DIAPH3: variants seen among roughly 807,000 people sequenced by gnomAD.
The protein encoded by DIAPH3 is diaphanous related formin 3.
DIAPH3 carries 117 observed loss-of-function variants against 144.3 expected under a neutral mutation model. The ratio of observed to expected loss-of-function variants is 0.81; its 90% CI spans 0.70 to 0.95. The LOEUF (loss-of-function observed/expected upper bound fraction) is 0.95, where lower values mean the gene tolerates loss of function less well. Ranked by LOEUF, DIAPH3 falls within the 40% of genes least tolerant of loss-of-function variation. The pLI, the probability that DIAPH3 is intolerant of heterozygous loss-of-function variation, is 0.00. For synonymous variants in DIAPH3, 519 were observed against 488.9 expected (o/e 1.06, Z -0.81); for missense variants, 1,421 against 1,412.7 (o/e 1.01, Z -0.09).
At chr13:59,977,486 A>C (rs1386570331) in intron 14 of DIAPH3, among the ~76,000 whole-genome samples, 8 of 151,884 alleles carry the variant, frequency 5.3e-5, no homozygotes, top group African/African-American at 1.7e-4. Flanking sequence ...GAGCATTATT[A>C]GGTATGTATA....
At chr13:60,083,333 T>C (rs569232871) in intron 4 of DIAPH3, among the ~76,000 whole-genome samples, 1 of 152,108 alleles carries the variant, frequency 6.6e-6, no homozygotes, top group African/African-American at 2.4e-5. Context: ...AAATTTCCTA[T>C]ATCACTGGCT....
At chr13:60,063,957 A>G (rs2141308611) in intron 4 of DIAPH3, among the ~76,000 whole-genome samples, 1 of 152,200 alleles carries the variant, frequency 6.6e-6, no homozygotes, top group Admixed American at 6.5e-5. Context: ...CTCTCCTTAT[A>G]CCTCTTCATC....
intron 17 of DIAPH3, among the ~76,000 whole-genome samples, chr13:59,960,101 G>A (rs1260235875): frequency 6.6e-6 from 1 of 152,114 alleles, no homozygotes; most frequent in Non-Finnish European, 1.5e-5. Flanking sequence ...AAAATTCTAA[G>A]GTTTTTTTCC....
chr13:59,741,356 A>T (rs2036434601), intron 27 of DIAPH3, among the ~76,000 whole-genome samples: 1 of 152,342 alleles, frequency 6.6e-6, no homozygotes, highest in Non-Finnish European at 1.5e-5. Flanking sequence ...ATGCTATTGT[A>T]CTACATAGGT....
intron 4 of DIAPH3, among the ~76,000 whole-genome samples, chr13:60,085,163 T>C (rs2057705563): frequency 6.6e-6 from 1 of 152,108 alleles, no homozygotes; most frequent in Non-Finnish European, 1.5e-5. Flanking sequence ...GAAAGCAGGT[T>C]CTTCTCTGTT....
At chr13:59,978,488 T>C (rs1162688446) in intron 14 of DIAPH3, among the ~76,000 whole-genome samples, 1 of 151,646 alleles carries the variant, frequency 6.6e-6, no homozygotes, top group Admixed American at 6.6e-5. Flanking sequence ...GGAAAAAGAA[T>C]TATTTCGGGA....
chr13:59,684,861 C>T lies in DIAPH3; in HGVS notation c.3320-18015G>A, dbSNP rs962320474. ...ACTGGTTTATGCTTACACATAGTAT[C>T]GTTAAATTCCTGGTTACAATGATAA... On this transcript the variant is annotated intron_variant, in intron 27 of 27. Coordinates refer to ENST00000400324, the MANE Select transcript of DIAPH3 (RefSeq NM_001042517.2). Among the ~76,000 whole-genome samples the T allele has an allele frequency of 7.2e-5, 11 of 152,118 alleles. No individual in the cohort carries two copies. The South Asian group carries it at 1.0e-3, about 14-fold the overall frequency.
chr13:59,843,273 G>C (rs9570214), intron 22 of DIAPH3, among the ~76,000 whole-genome samples: 14,853 of 152,202 alleles, frequency 0.098, 884 homozygotes, highest in East Asian at 0.3. Flanking sequence ...CAGAATTCCA[G>C]TAGGGAGGTG....
At chr13:60,065,940 A>C (rs771187752) in intron 4 of DIAPH3, among the ~76,000 whole-genome samples, 1 of 152,218 alleles carries the variant, frequency 6.6e-6, no homozygotes, top group Non-Finnish European at 1.5e-5. Context: ...ATTAATATTC[A>C]TGATGATCTG....
intron 4 of DIAPH3, among the ~76,000 whole-genome samples, chr13:60,060,445 T>C (rs1040935914): frequency 6.6e-6 from 1 of 152,082 alleles, no homozygotes; most frequent in Non-Finnish European, 1.5e-5. Flanking sequence ...ATATTCTCTT[T>C]TATGATTAAC....
intron 25 of DIAPH3, among the ~76,000 whole-genome samples, chr13:59,781,118 T>G (rs1228293754): frequency 6.6e-6 from 1 of 152,138 alleles, no homozygotes; most frequent in Non-Finnish European, 1.5e-5. Flanking sequence ...AAATTTTAAA[T>G]AACTAAGCAT....
intron 9 of DIAPH3, among the ~76,000 whole-genome samples, chr13:60,001,876 C>G (rs913283363): frequency 2.6e-5 from 4 of 152,180 alleles, no homozygotes; most frequent in Non-Finnish European, 5.9e-5. Flanking sequence ...GTGTACTCTG[C>G]AGGCAGTTAT....
chr13:60,111,070 C>G (rs1361499670), intron 3 of DIAPH3, among the ~76,000 whole-genome samples: 1 of 152,072 alleles, frequency 6.6e-6, no homozygotes, highest in African/African-American at 2.4e-5. Context: ...ACAAGTGAAC[C>G]ATAAAAGTGT....
chr13:59,850,086 A>C (rs1005491541), intron 22 of DIAPH3, among the ~76,000 whole-genome samples: 1 of 149,988 alleles, frequency 6.7e-6, no homozygotes, highest in Non-Finnish European at 1.5e-5. Context: ...AGCAATTGTG[A>C]ATGGGAGTTC....
At chr13:59,920,005 TTTAG>T (rs2047431153) in intron 18 of DIAPH3, among the ~76,000 whole-genome samples, 1 of 151,964 alleles carries the variant, frequency 6.6e-6, no homozygotes, top group Non-Finnish European at 1.5e-5. Context: ...TAAAAAATCT[TTTAG>T]TTAGCCTCAT....
At chr13:59,794,117 C>A (rs542399085) in intron 25 of DIAPH3, among the ~76,000 whole-genome samples, 2 of 152,302 alleles carry the variant, frequency 1.3e-5, no homozygotes, top group Admixed American at 1.3e-4. Flanking sequence ...CAGCTGTAGG[C>A]TACTATAAGT....
At chr13:59,772,051 A>G (rs2038151882) in intron 27 of DIAPH3, among the ~76,000 whole-genome samples, 1 of 152,122 alleles carries the variant, frequency 6.6e-6, no homozygotes. Context: ...TTTTAAGTAT[A>G]TAAAAGCAAA....
At chr13:60,101,883 T>C (rs764934709) in intron 3 of DIAPH3, among the ~76,000 whole-genome samples, 11 of 152,194 alleles carry the variant, frequency 7.2e-5, no homozygotes, top group African/African-American at 1.4e-4. Flanking sequence ...TTTCTTCCAA[T>C]GCAGGCCACT....
intron 1 of DIAPH3, among the ~76,000 whole-genome samples, chr13:60,143,238 T>C (rs556300586): frequency 6.6e-6 from 1 of 152,288 alleles, no homozygotes; most frequent in East Asian, 1.9e-4. Context: ...ACATCAAGCG[T>C]GCCTTCCTAG....
Sources: gnomAD v4.1 joint callset for allele counts (sites outside exome capture counted in the v4.1 genomes callset) on GRCh38, gnomAD v4.1.1 for gene constraint, MANE v1.5 for transcripts, NCBI Gene and HGNC (gene_info 2026-07-23, HGNC 2026-07-21) for gene names.